TCP11L2: variants seen among roughly 807,000 people sequenced by gnomAD.
The protein encoded by TCP11L2 is t-complex 11 like 2.
TCP11L2 carries 39 observed loss-of-function variants against 50.7 expected under a neutral mutation model. That is an observed-to-expected ratio of 0.77 (90% CI 0.60 to 1.01). The LOEUF is 1.01. Ranked by LOEUF, TCP11L2 falls within the 50% of genes least tolerant of loss-of-function variation. TCP11L2 has a pLI of 0.00. For missense variants in TCP11L2, 612 were observed against 614.7 expected (o/e 1.00, Z 0.05); for synonymous variants, 192 against 219.3 (o/e 0.88, Z 1.10).
intron 3 of TCP11L2, among the ~76,000 whole-genome samples, chr12:106,316,731 A>G (rs2136669601): frequency 6.6e-6 from 1 of 152,246 alleles, no homozygotes; most frequent in South Asian, 2.1e-4. Context: ...CTGCTAACAT[A>G]TAAGCTTTTT....
chr12:106,335,224 T>C (rs1183918545), intron 6 of TCP11L2, among the ~76,000 whole-genome samples: 1 of 152,210 alleles, frequency 6.6e-6, no homozygotes, highest in East Asian at 1.9e-4. Context: ...GCCTTTTCTC[T>C]AAATACCTTC....
At position 106,321,722 on chromosome 12, in the gene TCP11L2, G is replaced by A. The variant is rs2035346128; in HGVS notation, c.635+16G>A. The A allele has an allele frequency of 2.5e-6, 4 of 1,609,820 alleles. No individual in the cohort carries two copies. In the East Asian group the frequency reaches 8.9e-5, roughly 36 times the overall value. On this transcript the variant is annotated intron_variant, in intron 5 of 9. Coordinates refer to ENST00000299045, the MANE Select transcript of TCP11L2 (RefSeq NM_152772.3). ...AGGTGCTGAGGTTAGCACTTTTGCT[G>A]TTTGCATTTCCTAGAGTATCTTTGA...
intron 8 of TCP11L2, among the ~76,000 whole-genome samples, chr12:106,338,973 T>A (rs1284875418): frequency 6.6e-6 from 1 of 152,166 alleles, no homozygotes; most frequent in African/African-American, 2.4e-5. Flanking sequence ...AAACCCCGTC[T>A]CTACAAAAAA....
upstream of TCP11L2, among the ~76,000 whole-genome samples, chr12:106,298,219 T>C (rs1489386135): frequency 6.6e-6 from 1 of 152,198 alleles, no homozygotes; most frequent in African/African-American, 2.4e-5. Flanking sequence ...AAATCTACCT[T>C]ATCTTCCAAA....
At chr12:106,337,968 A>G (rs1294796067) in intron 8 of TCP11L2, among the ~76,000 whole-genome samples, 1 of 152,164 alleles carries the variant, frequency 6.6e-6, no homozygotes, top group Non-Finnish European at 1.5e-5. Context: ...GGATGGGGCA[A>G]TAGCATTCAT....
chr12:106,306,147 CA>C (rs1167955599), intron 1 of TCP11L2, among the ~76,000 whole-genome samples: 1 of 152,188 alleles, frequency 6.6e-6, no homozygotes, highest in African/African-American at 2.4e-5. Context: ...GCAGTGGGCA[CA>C]ATCAGAATTT....
intron 1 of TCP11L2, chr12:106,304,409 C>T (rs996966225): frequency 7.9e-5 from 12 of 152,294 alleles, no homozygotes; most frequent in African/African-American, 2.9e-4. Context: ...TGATGAAGAC[C>T]AGTATTGTCT....
At chr12:106,303,960 G>A (rs1413987062) in intron 1 of TCP11L2, 2 of 152,226 alleles carry the variant, frequency 1.3e-5, no homozygotes, top group African/African-American at 4.8e-5. Context: ...TCCCCAGTGG[G>A]TGTCTCAGCA....
chr12:106,314,562 TGTGTGTGTGTGTGTGA>T (rs2034998425), intron 3 of TCP11L2, 69 bp downstream of exon 3: 5 of 962,068 alleles, frequency 5.2e-6, no homozygotes, highest in African/African-American at 2.2e-5. Context: ...TGTGTGTGTG[TGTGTGTGTGTGTGTGA>T]GAGAGAGAGA....
At chr12:106,311,360 T>TG (rs976962014) in intron 2 of TCP11L2, 128 bp downstream of exon 2, 2 of 1,057,322 alleles carry the variant, frequency 1.9e-6, no homozygotes, top group African/African-American at 3.2e-5. Flanking sequence ...AGAATAGCAC[T>TG]GCAGAGGCAC....
At chr12:106,311,774 T>C (rs2034862760) in intron 2 of TCP11L2, among the ~76,000 whole-genome samples, 1 of 152,050 alleles carries the variant, frequency 6.6e-6, no homozygotes, top group Non-Finnish European at 1.5e-5. Context: ...AAAGGAGATA[T>C]CTTTTTCCCG....
chr12:106,314,682 T>G (rs1270850148), intron 3 of TCP11L2, among the ~76,000 whole-genome samples, 189 bp downstream of exon 3: 1 of 151,870 alleles, frequency 6.6e-6, no homozygotes, highest in Non-Finnish European at 1.5e-5. Context: ...CATTTAGTTC[T>G]CTAACAAGGT....
At position 106,321,681 on chromosome 12, in the gene TCP11L2, A is replaced by G. The variant is rs2035343645; in HGVS notation, c.610A>G (p.Thr204Ala). 9.3e-6 allele frequency: 15 copies of G among 1,614,196 alleles called. No individual in the cohort carries two copies. The highest frequency in any genetic ancestry group is 1.3e-5 in the Non-Finnish European group (15 of 1,180,032). ...RDNDIRELKA[T>A]GNIVEVLRQI... ...TAATGATATCAGAGAGTTAAAGGCT[A>G]CTGGCAACATCGTGGAGGTGCTGAG... is the stretch of plus-strand genomic sequence containing the variant. Residue 204 changes from threonine to alanine, a missense_variant, in exon 5 of 10, where the codon ACT (threonine) becomes GCT (alanine). Thr to Ala is a moderately conservative substitution (Grantham distance 58, BLOSUM62 0). Coordinates refer to ENST00000299045, the MANE Select transcript of TCP11L2 (RefSeq NM_152772.3).
At chr12:106,310,378 T>A (rs1592929726) in intron 1 of TCP11L2, among the ~76,000 whole-genome samples, 1 of 152,194 alleles carries the variant, frequency 6.6e-6, no homozygotes, top group East Asian at 1.9e-4. Context: ...GCAGTTCATG[T>A]GGAAATGGAG....
chr12:106,338,910 G>T (rs1300187367), intron 8 of TCP11L2, among the ~76,000 whole-genome samples: 24 of 152,182 alleles, frequency 1.6e-4, no homozygotes, highest in Admixed American at 1.6e-3. Context: ...GGAGGCCGAG[G>T]CAGCCAGATC....
chr12:106,342,034 T>A (rs1215046475), intron 9 of TCP11L2, among the ~76,000 whole-genome samples: 1 of 151,950 alleles, frequency 6.6e-6, no homozygotes, highest in Non-Finnish European at 1.5e-5. Flanking sequence ...ATTGTGGCCA[T>A]AAGGAAGGGG....
chr12:106,327,234 C>T (rs1921953), intron 6 of TCP11L2, among the ~76,000 whole-genome samples: 51,781 of 151,722 alleles, frequency 0.34, 9,003 homozygotes, highest in African/African-American at 0.4. Flanking sequence ...CACTCTATTG[C>T]CCAGGCTGGG....
chr12:106,308,429 C>T (rs1237925925), intron 1 of TCP11L2, among the ~76,000 whole-genome samples: 1 of 152,138 alleles, frequency 6.6e-6, no homozygotes, highest in Non-Finnish European at 1.5e-5. Context: ...AAGAAACCTA[C>T]CAAGTGTGCT....
At chr12:106,328,819 A>G (rs1306836987) in intron 6 of TCP11L2, among the ~76,000 whole-genome samples, 1 of 152,182 alleles carries the variant, frequency 6.6e-6, no homozygotes, top group Non-Finnish European at 1.5e-5. Flanking sequence ...TCTGGATAGG[A>G]AAAACCAAGG....
Sources: gnomAD v4.1 joint callset for allele counts (sites outside exome capture counted in the v4.1 genomes callset) on GRCh38, gnomAD v4.1.1 for gene constraint, MANE v1.5 for transcripts, NCBI Gene and HGNC (gene_info 2026-07-23, HGNC 2026-07-21) for gene names.